PSMF1: variants seen among roughly 807,000 people sequenced by gnomAD.
PSMF1 encodes proteasome inhibitor subunit 1, also known as proteasome inhibitor PI31 subunit.
PSMF1 carries 30 observed loss-of-function variants against 29.3 expected under a neutral mutation model. The observed-to-expected ratio is 1.02, with a 90% CI of 0.77 to 1.39. The LOEUF is 1.39. PSMF1 is among the 40% of genes most tolerant of loss of function. The pLI is 0.00. For synonymous variants in PSMF1, 134 were observed against 139.7 expected (o/e 0.96, Z 0.29); for missense variants, 344 against 357.5 (o/e 0.96, Z 0.31).
At chr20:1,159,885 C>T (rs1230351613) in intron 4 of PSMF1, among the ~76,000 whole-genome samples, 1 of 152,102 alleles carries the variant, frequency 6.6e-6, no homozygotes, top group African/African-American at 2.4e-5. Flanking sequence ...GATTTTTTCC[C>T]GGTTCTCTAA....
At chr20:1,124,830 T>C (rs1284342052) in intron 1 of PSMF1, among the ~76,000 whole-genome samples, 1 of 152,242 alleles carries the variant, frequency 6.6e-6, no homozygotes, top group Non-Finnish European at 1.5e-5. Flanking sequence ...GCTATATTTT[T>C]ATGGTTGCAT....
chr20:1,131,570 C>T (rs2086229745), intron 3 of PSMF1, among the ~76,000 whole-genome samples: 1 of 152,228 alleles, frequency 6.6e-6, no homozygotes, highest in Non-Finnish European at 1.5e-5. Context: ...GGCTCTGCCT[C>T]CTGATCAGAG....
chr20:1,166,041 C>T lies in PSMF1; in HGVS notation c.*961C>T. On this transcript the variant is annotated 3_prime_UTR_variant, in exon 7 of 7. Transcript: ENST00000335877. ...GAGGAAAAGAATGATGGTTCAAGGC[C>T]ATACTTCCCTTGAACCTTGTGTGGT... The T allele has an allele frequency of 1.4e-6, 2 of 1,463,908 alleles. No homozygotes were observed. The highest frequency in any genetic ancestry group is 1.8e-6 in the Non-Finnish European group (2 of 1,105,226). 90.7% of individuals were successfully genotyped at this position (1,463,908 alleles called of 1,614,324 possible).
chr20:1,151,227 A>G (rs1209845472), intron 4 of PSMF1, among the ~76,000 whole-genome samples: 1 of 152,206 alleles, frequency 6.6e-6, no homozygotes, highest in East Asian at 1.9e-4. Context: ...CATTTAATCC[A>G]TGTGCTCTTA....
Position 1,118,713 on chromosome 20 carries a change from C to G in PSMF1, c.-61C>G. ...AGTTATAGCTACCCCGGCCGCGGAG[C>G]CGGCTCACTGCACTACCCCCGCCCC... On this transcript the variant is annotated 5_prime_UTR_variant, in exon 1 of 7. Transcript: ENST00000335877. 6.5e-7 allele frequency: 1 copy of G among 1,545,202 alleles called. No homozygotes were observed. Among genetic ancestry groups the G allele is most frequent in the African/African-American group, 1.4e-5 (1 of 73,372 alleles).
At chr20:1,153,085 A>G (rs947008556) in intron 4 of PSMF1, among the ~76,000 whole-genome samples, 11 of 152,286 alleles carry the variant, frequency 7.2e-5, no homozygotes, top group Admixed American at 4.6e-4. Flanking sequence ...ATCCTTACCA[A>G]TGCTGGAGTC....
rs1322782750 is a variant in PSMF1, at chr20:1,163,968, G to A, written c.606-350G>A. Among the ~76,000 whole-genome samples, 1 of 152,214 alleles carries A rather than the reference G, an allele frequency of 6.6e-6. No individual in the cohort carries two copies. The highest frequency in any genetic ancestry group is 1.5e-5 in the Non-Finnish European group (1 of 68,040). On this transcript the variant is annotated intron_variant, in intron 5 of 6. Transcript: ENST00000335877. The surrounding 1 kb of genome is among the most constrained non-coding windows in gnomAD (Gnocchi z 6.1). Reference sequence around the variant, plus strand: ...CCCTGCAGAACCTTGTGAGTGCATTGTAGTTGACCTTGGCAAGTTCTGGCT... The same window carrying A: ...CCCTGCAGAACCTTGTGAGTGCATTATAGTTGACCTTGGCAAGTTCTGGCT...
At chr20:1,119,002 C>G (rs770720243) in intron 1 of PSMF1, 100 bp downstream of exon 1, 8 of 1,477,488 alleles carry the variant, frequency 5.4e-6, no homozygotes, top group Non-Finnish European at 2.8e-6. Flanking sequence ...CCCCGCTTCT[C>G]CCAGTGCAGG....
chr20:1,153,088 C>T (rs2086552154), intron 4 of PSMF1, among the ~76,000 whole-genome samples: 1 of 152,194 alleles, frequency 6.6e-6, no homozygotes, highest in Non-Finnish European at 1.5e-5. Flanking sequence ...CTTACCAATG[C>T]TGGAGTCAGT....
Position 1,126,893 on chromosome 20 carries a change from C to CAA in PSMF1, c.283-529_283-528dup, listed in dbSNP as rs746799923. 4.6e-5 allele frequency among the ~76,000 whole-genome samples: 7 copies of CAA among 152,180 alleles called. No homozygotes were observed. The East Asian group carries it at 1.3e-3, about 29-fold the overall frequency. On this transcript the variant is annotated intron_variant, in intron 2 of 6. Coordinates refer to ENST00000335877, the MANE Select transcript of PSMF1 (RefSeq NM_006814.5). Reference sequence around the variant, plus strand: ...GCCTCTGTCTCAAAACAAAACAAAACAAAAAGAACCAGGATAGCTCATTGA... The same window carrying CAA: ...GCCTCTGTCTCAAAACAAAACAAAACAAAAAAAGAACCAGGATAGCTCATTGA...
Position 1,166,080 on chromosome 20 carries a change from T to G in PSMF1, c.*1000T>G. Reference sequence around the variant, plus strand: ...ACCTTGTGTGGTTCTTGCCTAACTCTGTGGTTTTTGGACCCCATGGGGCCC... The same window carrying G: ...ACCTTGTGTGGTTCTTGCCTAACTCGGTGGTTTTTGGACCCCATGGGGCCC... On this transcript the variant is annotated 3_prime_UTR_variant, in exon 7 of 7. Coordinates refer to ENST00000335877, the MANE Select transcript of PSMF1 (RefSeq NM_006814.5). The G allele has an allele frequency of 6.6e-7, 1 of 1,518,606 alleles. No individual in the cohort carries two copies. The highest frequency in any genetic ancestry group is 2.1e-5 in the Admixed American group (1 of 48,654). 94.1% of individuals were successfully genotyped at this position (1,518,606 alleles called of 1,614,324 possible). A position where few individuals can be genotyped will look rare whatever the true frequency, so the allele number is the denominator to read the frequency against.
chr20:1,156,750 C>T (rs2086599569), intron 4 of PSMF1, among the ~76,000 whole-genome samples: 1 of 152,024 alleles, frequency 6.6e-6, no homozygotes, highest in African/African-American at 2.4e-5. Flanking sequence ...TAGATCTTCT[C>T]AAAAGGAGTT....
In PSMF1 at chr20:1,163,199, G is replaced by A. The variant is rs755281776; in HGVS notation, c.605+16G>A. On this transcript the variant is annotated intron_variant, in intron 5 of 6. Transcript: ENST00000335877. The surrounding 1 kb of genome is among the most constrained non-coding windows in gnomAD (Gnocchi z 6.1). ...ACCCTTTTGGGTGAGTACTGCTGGG[G>A]AGGTGGCAGCAACACAACTTGCTTT... The A allele has an allele frequency of 6.2e-7, 1 of 1,613,668 alleles. No individual in the cohort carries two copies. Among genetic ancestry groups the A allele is most frequent in the Admixed American group, 1.7e-5 (1 of 59,998 alleles).
upstream of PSMF1, among the ~76,000 whole-genome samples, chr20:1,115,772 A>C (rs1600133066): frequency 7.0e-6 from 1 of 143,502 alleles, no homozygotes; most frequent in African/African-American, 2.6e-5. Context: ...TCTCTTTATC[A>C]CCCAGGCTAG....
At chr20:1,146,552 TG>T (rs2086452332) in intron 4 of PSMF1, among the ~76,000 whole-genome samples, 1 of 152,182 alleles carries the variant, frequency 6.6e-6, no homozygotes, top group East Asian at 1.9e-4. Context: ...AAGAGCCTGG[TG>T]GGTTGGAGAG....
rs2086724271 is a variant in PSMF1 at position 1,165,952 on chromosome 20, C to T, written c.*872C>T. 1 of 1,362,872 alleles carries T rather than the reference C, an allele frequency of 7.3e-7. No individual in the cohort carries two copies. Among genetic ancestry groups the T allele is most frequent in the Non-Finnish European group, 9.5e-7 (1 of 1,055,026 alleles). 84.4% of individuals were successfully genotyped at this position (1,362,872 alleles called of 1,614,324 possible). On this transcript the variant is annotated 3_prime_UTR_variant, in exon 7 of 7. Transcript: ENST00000335877. The stretch of plus-strand genomic sequence containing the variant: ...GCCAAGCCTATGAAATTGGAGGTGG[C>T]TTTCCTGCTCTAAAGCATTTTGATG...
chr20:1,141,948 A>G (rs889789224), intron 4 of PSMF1, among the ~76,000 whole-genome samples: 2 of 152,232 alleles, frequency 1.3e-5, no homozygotes, highest in Non-Finnish European at 1.5e-5. Flanking sequence ...GCTGGGCACA[A>G]TGGCTCACGC....
chr20:1,131,695 CTG>C lies in PSMF1; in HGVS notation c.366-3423_366-3422del, dbSNP rs1360140159. Among the ~76,000 whole-genome samples, 29 of 152,334 alleles carry C rather than the reference CTG, an allele frequency of 1.9e-4. 1 individual carries two copies. The South Asian group carries it at 6.0e-3, about 32-fold the overall frequency. On this transcript the variant is annotated intron_variant, in intron 3 of 6. Coordinates refer to ENST00000335877, the MANE Select transcript of PSMF1 (RefSeq NM_006814.5). ...CAATTTGTGCTCCTCAGTGAGCAAA[CTG>C]TGATTTGCTAAGAAATATAAACCTA...
chr20:1,164,852 C>A lies in PSMF1; in HGVS notation c.765-177C>A, dbSNP rs2086709022. ...CCCTGAAAGATTAGGTAACTTATAC[C>A]AAGCGGGGGAGTCAGGATTCAAACC... On this transcript the variant is annotated intron_variant, in intron 6 of 6. Coordinates refer to ENST00000335877, the MANE Select transcript of PSMF1 (RefSeq NM_006814.5). This position sits in a 1 kb window ranked among gnomAD's most constrained non-coding sequence, Gnocchi z 4.1. Among the ~76,000 whole-genome samples, 1 of 152,114 alleles carries A rather than the reference C, an allele frequency of 6.6e-6. No homozygotes were observed. Among genetic ancestry groups the A allele is most frequent in the African/African-American group, 2.4e-5 (1 of 41,418 alleles).
Sources: allele counts gnomAD v4.1 joint callset (sites outside exome capture counted in the v4.1 genomes callset), GRCh38; gene constraint gnomAD v4.1.1; non-coding constraint Gnocchi (gnomAD v3.1); transcripts MANE v1.5; gene names NCBI Gene and HGNC (gene_info 2026-07-23, HGNC 2026-07-21).